MRPS6: variants seen among roughly 807,000 people sequenced by gnomAD.
The protein encoded by MRPS6 is small ribosomal subunit protein bS6m.
Under a neutral mutation model 13.1 loss-of-function variants are expected in MRPS6, and 6 were observed. The ratio of observed to expected loss-of-function variants is 0.46; its 90% CI spans 0.25 to 0.91. The LOEUF (loss-of-function observed/expected upper bound fraction) is 0.91, where lower values mean the gene tolerates loss of function less well. Among genes scored for constraint, MRPS6 ranks in the 40% least tolerant of loss-of-function variants. The pLI, the probability that MRPS6 is intolerant of heterozygous loss-of-function variation, is 0.18. For synonymous variants in MRPS6, 61 were observed against 56.5 expected (o/e 1.08, Z -0.36); for missense variants, 164 against 155.6 (o/e 1.05, Z -0.29).
chr21:34,118,416 G>T (rs578147951), intron 1 of MRPS6, among the ~76,000 whole-genome samples: 2 of 151,954 alleles, frequency 1.3e-5, no homozygotes, highest in Admixed American at 6.6e-5. Context: ...GCTTGTAAGT[G>T]GACCTACACA....
intron 1 of MRPS6, chr21:34,099,542 C>T: frequency 1.0e-6 from 1 of 999,730 alleles, no homozygotes; most frequent in Non-Finnish European, 1.2e-6. Context: ...TGATAATTGA[C>T]ATATTGGCTG....
At chr21:34,117,714 G>A (rs906688641) in intron 1 of MRPS6, among the ~76,000 whole-genome samples, 2 of 152,046 alleles carry the variant, frequency 1.3e-5, no homozygotes, top group African/African-American at 4.8e-5. Flanking sequence ...TCTGATACCC[G>A]CAGAATTTGG....
At chr21:34,114,117 C>T (rs1467808109) in intron 1 of MRPS6, among the ~76,000 whole-genome samples, 1 of 152,148 alleles carries the variant, frequency 6.6e-6, no homozygotes, top group Non-Finnish European at 1.5e-5. Flanking sequence ...TCTGTGAGTG[C>T]ATCTGAAGGG....
intron 2 of MRPS6, among the ~76,000 whole-genome samples, chr21:34,134,748 A>C (rs1980627054): frequency 6.6e-6 from 1 of 152,128 alleles, no homozygotes; most frequent in Non-Finnish European, 1.5e-5. Context: ...TTGCAGATGC[A>C]GTAGAAGCCG....
chr21:34,101,475 A>G (rs1979234853), intron 1 of MRPS6: 2 of 999,978 alleles, frequency 2.0e-6, no homozygotes, highest in Non-Finnish European at 2.4e-6. Flanking sequence ...TTCAGTGTTG[A>G]TAATAGCCTG....
At chr21:34,135,708 C>A in intron 2 of MRPS6, 1 of 398,156 alleles carries the variant, frequency 2.5e-6, no homozygotes, top group South Asian at 2.2e-5. Context: ...TGATGGTGTT[C>A]ACCAGGACCT....
chr21:34,082,986 GC>G (rs1182434949), intron 1 of MRPS6, among the ~76,000 whole-genome samples: 4 of 152,166 alleles, frequency 2.6e-5, no homozygotes, highest in Non-Finnish European at 5.9e-5. Context: ...CACAGACTTA[GC>G]AAAACTTTCT....
intron 1 of MRPS6, among the ~76,000 whole-genome samples, chr21:34,088,334 A>C (rs1290501936): frequency 1.3e-5 from 2 of 152,210 alleles, no homozygotes; most frequent in South Asian, 2.1e-4. Flanking sequence ...GATGGTGAGA[A>C]CATAGATACG....
At chr21:34,116,081 C>T (rs1979888383) in intron 1 of MRPS6, among the ~76,000 whole-genome samples, 2 of 152,042 alleles carry the variant, frequency 1.3e-5, no homozygotes, top group Non-Finnish European at 2.9e-5. Context: ...AGTCATGGCT[C>T]ACTGCAGCCT....
intron 1 of MRPS6, among the ~76,000 whole-genome samples, chr21:34,106,995 G>A (rs921022133): frequency 7.2e-5 from 11 of 152,014 alleles, no homozygotes; most frequent in African/African-American, 2.7e-4. Flanking sequence ...GCAGTGGTGC[G>A]ATCTTGGCTC....
chr21:34,093,478 G>GAGAAA (rs1331719812), intron 1 of MRPS6, among the ~76,000 whole-genome samples: 1 of 152,174 alleles, frequency 6.6e-6, no homozygotes, highest in African/African-American at 2.4e-5. Context: ...TTTTGTCAGT[G>GAGAAA]AGAAGTGTGT....
chr21:34,074,983 T>C (rs930454161), intron 1 of MRPS6, among the ~76,000 whole-genome samples: 3 of 152,230 alleles, frequency 2.0e-5, no homozygotes, highest in African/African-American at 7.2e-5. Flanking sequence ...CCCAGCTTGT[T>C]CTTCATGGAT....
intron 1 of MRPS6, among the ~76,000 whole-genome samples, chr21:34,119,434 GAAGT>G (rs1319545705): frequency 6.6e-6 from 1 of 152,180 alleles, no homozygotes; most frequent in East Asian, 1.9e-4. Flanking sequence ...TTTTTTAAAG[GAAGT>G]AAGATTTGGA....
rs571454266 is a variant in MRPS6 at position 34,079,776 on chromosome 21, G to A, written c.45+6031G>A. ...CCATTAACCTTCATGTGGATGATTT[G>A]CCACCTTTTTTAACAAGCTGACAAC... On this transcript the variant is annotated intron_variant, in intron 1 of 2. Coordinates refer to ENST00000399312, the MANE Select transcript of MRPS6 (RefSeq NM_032476.4). 5.3e-5 allele frequency among the ~76,000 whole-genome samples: 8 copies of A among 151,782 alleles called. No homozygotes were observed. The East Asian group carries it at 7.7e-4, about 15-fold the overall frequency.
chr21:34,078,763 G>A (rs1415529145), intron 1 of MRPS6, among the ~76,000 whole-genome samples: 1 of 152,120 alleles, frequency 6.6e-6, no homozygotes, highest in Non-Finnish European at 1.5e-5. Context: ...GGAAGGAAGG[G>A]TAGAGAACAA....
chr21:34,093,045 C>T (rs923483894), intron 1 of MRPS6, among the ~76,000 whole-genome samples: 5 of 152,092 alleles, frequency 3.3e-5, no homozygotes, highest in East Asian at 1.9e-4. Context: ...AAACATTTAA[C>T]GATACCTTTT....
At chr21:34,099,756 A>T (rs1168010614) in intron 1 of MRPS6, 3 of 959,526 alleles carry the variant, frequency 3.1e-6, no homozygotes, top group Admixed American at 1.2e-4. Flanking sequence ...TTAGAGTACT[A>T]AAGTCTGTAA....
intron 1 of MRPS6, among the ~76,000 whole-genome samples, chr21:34,116,214 G>GTGTGTGTA (rs1448441396): frequency 1.2e-3 from 171 of 145,466 alleles, no homozygotes; most frequent in African/African-American, 4.1e-3. Context: ...GTGTGTGTGT[G>GTGTGTGTA]TGTATGTGTG....
Position 34,102,449 on chromosome 21 carries a change from T to A in MRPS6, c.46-22892T>A, listed in dbSNP as rs1187226513. The A allele has an allele frequency of 3.0e-6, 3 of 1,000,016 alleles. No homozygotes were observed. The African/African-American group carries it at 5.2e-5, about 17-fold the overall frequency. The allele number at this position is 1,000,016 out of a possible 1,614,324, so 61.9% of individuals were successfully genotyped here. On this transcript the variant is annotated intron_variant, in intron 1 of 2. Transcript: ENST00000399312. Reference sequence around the variant, plus strand: ...TTTTGTTTTGGGGTAAGCACCTAATTTATCCAGTAACCAACAACCCTAACC... The same window carrying A: ...TTTTGTTTTGGGGTAAGCACCTAATATATCCAGTAACCAACAACCCTAACC...
Sources: gnomAD v4.1 joint callset for allele counts (sites outside exome capture counted in the v4.1 genomes callset) on GRCh38, gnomAD v4.1.1 for gene constraint, MANE v1.5 for transcripts, NCBI Gene and HGNC (gene_info 2026-07-23, HGNC 2026-07-21) for gene names.